SLC2A13: variants seen among roughly 807,000 people sequenced by gnomAD.
SLC2A13 encodes solute carrier family 2 member 13, also known as proton myo-inositol cotransporter.
A neutral mutation model predicts 64.4 loss-of-function variants in SLC2A13; 32 were observed. That is an observed-to-expected ratio of 0.50 (90% CI 0.37 to 0.67). The LOEUF (loss-of-function observed/expected upper bound fraction) is 0.67. Among genes scored for constraint, SLC2A13 ranks in the 30% least tolerant of loss-of-function variants. The pLI, the probability that SLC2A13 is intolerant of heterozygous loss-of-function variation, is 0.00. For missense variants in SLC2A13, 743 were observed against 829.2 expected (o/e 0.90, Z 1.28); for synonymous variants, 338 against 327.1 (o/e 1.03, Z -0.36).
At chr12:40,031,622 A>G (rs1947907212) in intron 2 of SLC2A13, among the ~76,000 whole-genome samples, 1 of 152,240 alleles carries the variant, frequency 6.6e-6, no homozygotes, top group Admixed American at 6.5e-5. Context: ...GATGCTCGGA[A>G]AAAATGTTTC....
intron 1 of SLC2A13, among the ~76,000 whole-genome samples, chr12:40,050,243 C>G (rs1948233464): frequency 6.6e-6 from 1 of 152,118 alleles, no homozygotes; most frequent in Non-Finnish European, 1.5e-5. Context: ...TGACTATAAA[C>G]AGGAATTTGG....
At chr12:40,014,635 G>T (rs1947590825) in intron 3 of SLC2A13, among the ~76,000 whole-genome samples, 1 of 152,126 alleles carries the variant, frequency 6.6e-6, no homozygotes, top group Non-Finnish European at 1.5e-5. Flanking sequence ...GGGATTACAG[G>T]CATATGCCAC....
At chr12:39,903,890 G>C (rs1592269430) in intron 4 of SLC2A13, among the ~76,000 whole-genome samples, 1 of 152,110 alleles carries the variant, frequency 6.6e-6, no homozygotes, top group East Asian at 1.9e-4. Flanking sequence ...TGATGAAGCA[G>C]CCTATCAAAC....
At chr12:39,761,234 T>C (rs1940132898) in intron 9 of SLC2A13, among the ~76,000 whole-genome samples, 2 of 142,728 alleles carry the variant, frequency 1.4e-5, no homozygotes, top group Admixed American at 1.4e-4. Flanking sequence ...TGGGCCTCTG[T>C]TGCCTCATTA....
intron 7 of SLC2A13, among the ~76,000 whole-genome samples, chr12:39,789,147 C>A (rs1275991031): frequency 2.0e-5 from 3 of 152,102 alleles, no homozygotes; most frequent in Non-Finnish European, 4.4e-5. Context: ...CTGTGAACCA[C>A]TTTCTGATAG....
At chr12:39,768,766 C>T (rs1660906040) in intron 7 of SLC2A13, among the ~76,000 whole-genome samples, 1 of 151,774 alleles carries the variant, frequency 6.6e-6, no homozygotes, top group Non-Finnish European at 1.5e-5. Flanking sequence ...ATGAAAAAGT[C>T]TGAAATAATG....
intron 3 of SLC2A13, among the ~76,000 whole-genome samples, chr12:39,972,788 C>A (rs539857523): frequency 2.4e-4 from 36 of 152,206 alleles, no homozygotes; most frequent in Admixed American, 3.3e-4. Context: ...CTACACCAGG[C>A]TGGGCATAGT....
chr12:40,068,391 G>A (rs1048101190), intron 1 of SLC2A13: 1 of 325,024 alleles, frequency 3.1e-6, no homozygotes, highest in Non-Finnish European at 5.9e-6. Context: ...ACCAGTTTAG[G>A]CCAACATGGT....
At chr12:39,988,687 GAGGGAGGAAGGAAGGAAGGAAGGAAGGA>G (rs1947076468) in intron 3 of SLC2A13, among the ~76,000 whole-genome samples, 1 of 100,734 alleles carries the variant, frequency 9.9e-6, no homozygotes, top group Non-Finnish European at 2.0e-5. Context: ...AGAAGGGAGG[GAGGGAGGAAGGAAGGAAGGAAGGAAGGA>G]AGGAAGGAAG....
chr12:39,930,153 A>C (rs552324257), intron 4 of SLC2A13, among the ~76,000 whole-genome samples: 1 of 151,722 alleles, frequency 6.6e-6, no homozygotes, highest in Non-Finnish European at 1.5e-5. Context: ...AAACCAAAAA[A>C]CGAAAAAGAA....
chr12:39,818,805 A>G (rs909581305), intron 7 of SLC2A13, among the ~76,000 whole-genome samples: 3 of 152,174 alleles, frequency 2.0e-5, no homozygotes, highest in Non-Finnish European at 4.4e-5. Flanking sequence ...AGATGTAGAA[A>G]AGTTTCTACA....
chr12:39,968,595 T>G (rs1591960493), intron 3 of SLC2A13, among the ~76,000 whole-genome samples: 1 of 151,716 alleles, frequency 6.6e-6, no homozygotes, highest in Non-Finnish European at 1.5e-5. Context: ...ACACTATTAT[T>G]CCCCTTCCTT....
chr12:39,951,268 A>C lies in SLC2A13; in HGVS notation c.1023T>G (p.Ile341Met). The change falls in exon 4 of 10, where the codon ATT becomes ATG. Residue 341 changes from isoleucine to methionine, a missense_variant. Physicochemically the swap from Ile to Met is conservative, Grantham distance 10 (BLOSUM62 1). Around this residue, in one of 2 missense-constraint regions of SLC2A13, gnomAD observed 295 missense variants for 381.7 expected, o/e 0.77. Transcript: ENST00000280871. Reference protein sequence around the residue: ...GLQMFQQLSGINTIMYYSATI... With the variant: ...GLQMFQQLSGMNTIMYYSATI... Reference sequence around the variant, plus strand: ...AAAGAAATACATACATGATGGTGTTAATGCCTGAGAGCTGCTGGAACATTT... The same window carrying C: ...AAAGAAATACATACATGATGGTGTTCATGCCTGAGAGCTGCTGGAACATTT... The C allele has an allele frequency of 6.2e-7, 1 of 1,613,412 alleles. No individual in the cohort carries two copies. Among genetic ancestry groups the C allele is most frequent in the South Asian group, 1.1e-5 (1 of 90,948 alleles).
chr12:39,998,012 G>A (rs11174670), intron 3 of SLC2A13, among the ~76,000 whole-genome samples: 77,363 of 151,876 alleles, frequency 0.51, 20,064 homozygotes, highest in African/African-American at 0.57. Context: ...CAACAATCCC[G>A]CTACTGGATA....
chr12:39,805,138 A>AGGGCC (rs1941935290), intron 7 of SLC2A13, among the ~76,000 whole-genome samples: 1 of 148,632 alleles, frequency 6.7e-6, no homozygotes, highest in African/African-American at 2.5e-5. Context: ...CAGCAAGGGC[A>AGGGCC]GGCCAGGCCA....
chr12:39,805,684 C>T (rs568335330), intron 7 of SLC2A13, among the ~76,000 whole-genome samples: 5 of 152,290 alleles, frequency 3.3e-5, no homozygotes, highest in African/African-American at 1.2e-4. Context: ...CTTAAATAAT[C>T]TGCTAATTAA....
At chr12:40,104,542 A>C (rs1421991965) in intron 1 of SLC2A13, among the ~76,000 whole-genome samples, 2 of 152,210 alleles carry the variant, frequency 1.3e-5, no homozygotes, top group African/African-American at 4.8e-5. Flanking sequence ...TTGGTTCCCA[A>C]CTGGAAAGCA....
Position 39,956,916 on chromosome 12 carries a change from G to A in SLC2A13, c.926-5551C>T, listed in dbSNP as rs181344703. The stretch of plus-strand genomic sequence containing the variant: ...GTGGAGAAAGCAGGGGCCTCACTGG[G>A]AGCAAGATAATCACTGCTCAGCTTC... On this transcript the variant is annotated intron_variant, in intron 3 of 9. Transcript: ENST00000280871. Among the ~76,000 whole-genome samples, 5 of 152,174 alleles carry A rather than the reference G, an allele frequency of 3.3e-5. No homozygotes were observed. The East Asian group carries it at 9.7e-4, about 29-fold the overall frequency.
intron 6 of SLC2A13, among the ~76,000 whole-genome samples, chr12:39,841,510 A>C (rs1943176475): frequency 1.3e-5 from 2 of 152,076 alleles, no homozygotes; most frequent in African/African-American, 4.8e-5. Flanking sequence ...TAAAAACCTC[A>C]ATTGTAATTT....
Sources: gnomAD v4.1 joint callset for allele counts (sites outside exome capture counted in the v4.1 genomes callset) on GRCh38, gnomAD v4.1.1 for gene constraint, gnomAD v4.1.1 regional missense constraint, MANE v1.5 for transcripts, NCBI Gene and HGNC (gene_info 2026-07-23, HGNC 2026-07-21) for gene names.